GRAMD4: variants seen among roughly 807,000 people sequenced by gnomAD.
GRAMD4 encodes GRAM domain-containing protein 4.
GRAMD4 carries 25 observed loss-of-function variants against 83.9 expected under a neutral mutation model. The observed-to-expected ratio is 0.30, with a 90% CI of 0.22 to 0.42. GRAMD4 has a LOEUF of 0.42. GRAMD4 is among the 10% of genes least tolerant of loss of function. The pLI, the probability that GRAMD4 is intolerant of heterozygous loss-of-function variation, is 1.00. For missense variants in GRAMD4, 593 were observed against 788.7 expected, an observed-to-expected ratio of 0.75 and a Z score of 2.97; for synonymous variants, 336 against 320.9, an observed-to-expected ratio of 1.05 and a Z score of -0.50.
At chr22:46,654,652 C>G (rs964440717) in intron 3 of GRAMD4, among the ~76,000 whole-genome samples, 1 of 152,210 alleles carries the variant, frequency 6.6e-6, no homozygotes, top group Non-Finnish European at 1.5e-5. Context: ...GCCTCCACTC[C>G]GTGCACGGCC....
intron 3 of GRAMD4, among the ~76,000 whole-genome samples, chr22:46,643,809 C>T (rs1171615283): frequency 5.3e-5 from 8 of 152,156 alleles, no homozygotes; most frequent in Non-Finnish European, 1.2e-4. Flanking sequence ...AGTGTCACAT[C>T]GGCAGGTACA....
At chr22:46,651,788 G>A (rs914208646) in intron 3 of GRAMD4, among the ~76,000 whole-genome samples, 2 of 152,214 alleles carry the variant, frequency 1.3e-5, no homozygotes, top group Non-Finnish European at 2.9e-5. Context: ...TGGTGGGGCC[G>A]CCTTGGTGGC....
chr22:46,663,969 G>C, intron 7 of GRAMD4, 57 bp from the exon 8 acceptor site: 1 of 1,568,680 alleles, frequency 6.4e-7, no homozygotes. Flanking sequence ...CCAGGGAGAC[G>C]TGGTTAAGCG....
At chr22:46,635,815 G>T (rs35449204) in intron 2 of GRAMD4, among the ~76,000 whole-genome samples, 1 of 126,408 alleles carries the variant, frequency 7.9e-6, no homozygotes, top group South Asian at 2.7e-4. Context: ...CCGGCCACTG[G>T]ATGACTCTGG....
rs113916594 is a variant in GRAMD4 at position 46,628,646 on chromosome 22, G to A, written c.162+1685G>A. Among the ~76,000 whole-genome samples, 1,467 of 152,124 alleles carry A rather than the reference G, an allele frequency of 9.6e-3. 17 individuals are homozygous for A. The highest frequency in any genetic ancestry group is 0.034 in the Middle Eastern group (10 of 294). The stretch of plus-strand genomic sequence containing the variant: ...GAGTGTGTGCGTTGGTGTCTGAGGG[G>A]CAGGTGGAGGGCTGCAGTGAGGGGG... On this transcript the variant is annotated intron_variant, in intron 2 of 18. Transcript: ENST00000406902.
chr22:46,649,343 G>A (rs2082131850), intron 3 of GRAMD4, among the ~76,000 whole-genome samples: 1 of 152,174 alleles, frequency 6.6e-6, no homozygotes. Flanking sequence ...GTGGGGGCGA[G>A]GGATGGCACG....
intron 2 of GRAMD4, among the ~76,000 whole-genome samples, chr22:46,627,178 C>T (rs563307541): frequency 3.9e-4 from 59 of 152,296 alleles, no homozygotes; most frequent in African/African-American, 1.3e-3. Flanking sequence ...GTCTGATTAG[C>T]GGCTGGATTG....
rs1321964784 is a variant in GRAMD4, at chr22:46,620,937, G to A, written c.-50+372G>A. On this transcript the variant is annotated intron_variant, in intron 1 of 18. Transcript: ENST00000406902. The surrounding 1 kb of genome is among the most constrained non-coding windows in gnomAD (Gnocchi z 4.7). ...AGGCCCATCCGAGAGGGAGGAGGCCGATCTGAGAGGGCCGCATGGCTCGGA... is the reference window on the plus strand; with the variant it reads ...AGGCCCATCCGAGAGGGAGGAGGCCAATCTGAGAGGGCCGCATGGCTCGGA... Among the ~76,000 whole-genome samples the A allele has an allele frequency of 6.6e-6, 1 of 152,198 alleles. No homozygotes were observed. Among genetic ancestry groups the A allele is most frequent in the Non-Finnish European group, 1.5e-5 (1 of 68,026 alleles).
rs1360581222 is a variant in GRAMD4 at position 46,628,124 on chromosome 22, GTC to G, written c.162+1166_162+1167del. Among the ~76,000 whole-genome samples the G allele has an allele frequency of 3.9e-5, 6 of 152,344 alleles. No individual in the cohort carries two copies. In the South Asian group the frequency reaches 1.2e-3, roughly 32 times the overall value. ...TCTGTGTGCTGAGCATGTGGTGGGT[GTC>G]TCGGGAACAAAAATCTCCCTCCCGA... is the stretch of plus-strand genomic sequence containing the variant. On this transcript the variant is annotated intron_variant, in intron 2 of 18. Coordinates refer to ENST00000406902, the MANE Select transcript of GRAMD4 (RefSeq NM_015124.5).
upstream of GRAMD4, chr22:46,576,085 GA>G (rs1317204318): frequency 3.3e-5 from 5 of 152,938 alleles, no homozygotes; most frequent in African/African-American, 1.2e-4. Flanking sequence ...CAAGGTCAGT[GA>G]GTTGAGGGCA....
chr22:46,637,867 A>G lies in GRAMD4; in HGVS notation c.190A>G (p.Thr64Ala). 6.2e-7 allele frequency: 1 copy of G among 1,614,076 alleles called. No individual in the cohort carries two copies. The highest frequency in any genetic ancestry group is 8.5e-7 in the Non-Finnish European group (1 of 1,179,908). The change falls in exon 3 of 19, where the codon ACA (threonine) becomes GCA (alanine). Residue 64 changes from threonine to alanine, a missense_variant. Thr to Ala is a moderately conservative substitution (Grantham distance 58). Around this residue, in one of 4 missense-constraint regions of GRAMD4, gnomAD observed 312 missense variants for 350.7 expected, o/e 0.89. Transcript: ENST00000406902. The part of the protein sequence containing the change: ...PAGPGTLIMA[T>A]GVQDFNRTEF... The stretch of plus-strand genomic sequence containing the variant: ...TGGTCCAGGGACCCTCATCATGGCC[A>G]CAGGAGTCCAGGACTTTAACCGGAC...
intron 1 of GRAMD4, among the ~76,000 whole-genome samples, chr22:46,596,587 G>A (rs1158721104): frequency 6.6e-6 from 1 of 152,104 alleles, no homozygotes; most frequent in Non-Finnish European, 1.5e-5. Flanking sequence ...CTGTTGCCCA[G>A]GCTGGAGTGC....
At chr22:46,635,108 C>A (rs374312821) in intron 2 of GRAMD4, among the ~76,000 whole-genome samples, 1,240 of 110,358 alleles carry the variant, frequency 0.011, 36 homozygotes, top group Admixed American at 0.026. Context: ...CCTGCCCCCG[C>A]CCCCAGCCAC....
chr22:46,637,731 A>G, intron 2 of GRAMD4, 109 bp from the exon 3 acceptor site: 1 of 1,155,626 alleles, frequency 8.7e-7, no homozygotes, highest in Non-Finnish European at 1.2e-6. Flanking sequence ...TCCCTTTCAC[A>G]TGCCACTGCT....
In GRAMD4 at chr22:46,659,474, G is replaced by A. The variant is rs1343798075; in HGVS notation, c.404+1167G>A. ...GCATGGATGGCTGTCACCAGTTAGG[G>A]AGGCACACGGCATCTCTGGGACACC... On this transcript the variant is annotated intron_variant, in intron 4 of 18. Coordinates refer to ENST00000406902, the MANE Select transcript of GRAMD4 (RefSeq NM_015124.5). The surrounding 1 kb of genome is among the most constrained non-coding windows in gnomAD (Gnocchi z 4.1). 6.6e-6 allele frequency among the ~76,000 whole-genome samples: 1 copy of A among 152,210 alleles called. No individual in the cohort carries two copies. Among genetic ancestry groups the A allele is most frequent in the East Asian group, 1.9e-4 (1 of 5,200 alleles).
At chr22:46,637,984 G>T in intron 3 of GRAMD4, 24 bp downstream of exon 3, 1 of 1,611,056 alleles carries the variant, frequency 6.2e-7, no homozygotes, top group South Asian at 1.1e-5. Flanking sequence ...AGCGCTTGGA[G>T]GGGATGGGAC....
At chr22:46,680,683 CACCT>C (rs2082661665), downstream of GRAMD4, among the ~76,000 whole-genome samples, 2 of 146,362 alleles carry the variant, frequency 1.4e-5, no homozygotes, top group Admixed American at 6.8e-5. Flanking sequence ...TCCATCCACC[CACCT>C]ATTCATCCAC....
At chr22:46,586,381 G>A (rs2081150230) in intron 1 of GRAMD4, among the ~76,000 whole-genome samples, 1 of 152,086 alleles carries the variant, frequency 6.6e-6, no homozygotes, top group Admixed American at 6.5e-5. Context: ...ATGGTCGGAG[G>A]CATTTGCCGG....
intron 1 of GRAMD4, among the ~76,000 whole-genome samples, chr22:46,583,515 A>G (rs1276834807): frequency 2.6e-5 from 4 of 152,332 alleles, no homozygotes; most frequent in South Asian, 2.1e-4. Context: ...CCTCTTTGCT[A>G]TGACAGCTTC....
Sources: gnomAD v4.1 joint callset for allele counts (sites outside exome capture counted in the v4.1 genomes callset) on GRCh38, gnomAD v4.1.1 for gene constraint, gnomAD v4.1.1 regional missense constraint, Gnocchi (gnomAD v3.1) non-coding constraint, MANE v1.5 for transcripts, NCBI Gene and HGNC (gene_info 2026-07-23, HGNC 2026-07-21) for gene names.